NPHP4: variants seen among roughly 807,000 people sequenced by gnomAD.
NPHP4 encodes the protein nephrocystin 4, also known as nephrocystin-4.
In NPHP4, 151 loss-of-function variants were observed where a neutral mutation model predicts 155.8. The ratio of observed to expected loss-of-function variants is 0.97; its 90% confidence interval spans 0.85 to 1.11. The LOEUF (loss-of-function observed/expected upper bound fraction) is 1.11. Ranked by LOEUF, NPHP4 falls within the 50% of genes least tolerant of loss-of-function variation. NPHP4 has a pLI of 0.00. For synonymous variants in NPHP4, 845 were observed against 816.8 expected (o/e 1.03, Z -0.59); for missense variants, 1,956 against 1,925.7 (o/e 1.02, Z -0.29).
chr1:5,951,166 G>C (rs1557816386), intron 7 of NPHP4, among the ~76,000 whole-genome samples: 2 of 152,234 alleles, frequency 1.3e-5, no homozygotes, highest in Admixed American at 6.5e-5. Context: ...GGAAGGTGCA[G>C]CCGGAGGAGA....
chr1:5,936,636 CA>C (rs1277718542), intron 9 of NPHP4, among the ~76,000 whole-genome samples: 1 of 152,172 alleles, frequency 6.6e-6, no homozygotes, highest in African/African-American at 2.4e-5. Flanking sequence ...ACACAAAAGA[CA>C]AATGAGGAAT....
At chr1:5,923,354 G>A (rs1230805723) in intron 11 of NPHP4, among the ~76,000 whole-genome samples, 2 of 152,208 alleles carry the variant, frequency 1.3e-5, no homozygotes, top group South Asian at 2.1e-4. Flanking sequence ...GGCAACAAAG[G>A]AGAGTGATCC....
chr1:5,916,551 CA>C (rs1280848757), intron 11 of NPHP4, among the ~76,000 whole-genome samples: 1 of 152,176 alleles, frequency 6.6e-6, no homozygotes, highest in Admixed American at 6.5e-5. Flanking sequence ...TGCTGGTCCC[CA>C]AACAGTGACT....
At chr1:5,945,422 G>C (rs1647038818) in intron 9 of NPHP4, among the ~76,000 whole-genome samples, 1 of 152,182 alleles carries the variant, frequency 6.6e-6, no homozygotes, top group African/African-American at 2.4e-5. Context: ...AGCAGAACTG[G>C]AACAGTTTCA....
In NPHP4 at chr1:5,969,972, TA is replaced by T. The variant is rs532928296; in HGVS notation, c.280-714del. On this transcript the variant is annotated intron_variant, in intron 3 of 29. Coordinates refer to ENST00000378156, the MANE Select transcript of NPHP4 (RefSeq NM_015102.5). Reference sequence around the variant, plus strand: ...CTCAAGATGTAAGCCAAGTAGATGATATTCAAATTGATCTTAAAAGGTTTTC... The same window carrying T: ...CTCAAGATGTAAGCCAAGTAGATGATTTCAAATTGATCTTAAAAGGTTTTC... Among the ~76,000 whole-genome samples, 4 of 152,282 alleles carry T rather than the reference TA, an allele frequency of 2.6e-5. No individual in the cohort carries two copies. In the East Asian group the frequency reaches 7.7e-4, roughly 29 times the overall value.
chr1:5,961,837 A>T lies in NPHP4; in HGVS notation c.630T>A (p.Gly210=). The T allele has an allele frequency of 6.2e-7, 1 of 1,613,574 alleles. No individual in the cohort carries two copies. Among genetic ancestry groups the T allele is most frequent in the African/African-American group, 1.3e-5 (1 of 75,048 alleles). The stretch of plus-strand genomic sequence containing the variant: ...GAAGCAGGCCAGGTATCTGCTGCAG[A>T]CCAGACACCAGAAGGTTCTCAGGAA... ...HLLPENLLVS[G]LQQIPGLLPA... is the part of the protein sequence containing the mutation. Residue 210 remains glycine, a synonymous_variant, in exon 6 of 30, where the codon GGT becomes GGA. Transcript: ENST00000378156.
rs759609852 is a variant in NPHP4, at chr1:5,874,557, G to A, written c.3145C>T (p.Pro1049Ser). ...DMFHLRGSLAPQLYLRPHETA... is the reference protein window; with the variant it reads ...DMFHLRGSLASQLYLRPHETA... ...TCGTGGGGGCGCAGGTAGAGCTGGG[G>A]GGCCAGGCTGCCACGCAGGTGGAAC... Residue 1049 changes from proline (P) to serine (S), a missense_variant, in exon 22 of 30, where the codon CCC becomes TCC. Transcript: ENST00000378156. The A allele has an allele frequency of 9.3e-5, 150 of 1,605,504 alleles. 3 individuals carry two copies. In the South Asian group the frequency reaches 1.7e-3, roughly 18 times the overall value.
At chr1:5,919,146 A>G (rs1382968915) in intron 11 of NPHP4, among the ~76,000 whole-genome samples, 1 of 152,234 alleles carries the variant, frequency 6.6e-6, no homozygotes, top group Non-Finnish European at 1.5e-5. Context: ...TCTTGCCCAC[A>G]AATCCTAAAA....
Position 5,905,294 on chromosome 1 carries a change from G to C in NPHP4, c.1953C>G (p.Ser651Arg). The change falls in exon 15 of 30, where the codon AGC (serine) becomes AGG (arginine). Residue 651 changes from serine (S) to arginine (R), a missense_variant and splice_region_variant. Coordinates refer to ENST00000378156, the MANE Select transcript of NPHP4 (RefSeq NM_015102.5). This position sits in a 1 kb window ranked among gnomAD's most constrained non-coding sequence, Gnocchi z 4.0. ...TAACAGAATATTCAAGGATTTACCT[G>C]CTAAAGGCAAGAAACTGTAGCACCA... The part of the protein sequence containing the change: ...NEMVLQFLAF[S>R]RVAQDCRGTS... 6.2e-7 allele frequency: 1 copy of C among 1,611,662 alleles called. No homozygotes were observed. The highest frequency in any genetic ancestry group is 8.5e-7 in the Non-Finnish European group (1 of 1,177,738).
At chr1:5,972,509 C>A (rs1054219605) in intron 3 of NPHP4, among the ~76,000 whole-genome samples, 5 of 152,306 alleles carry the variant, frequency 3.3e-5, no homozygotes, top group Middle Eastern at 6.8e-3. Context: ...AAGGATAATA[C>A]AACATCTTAT....
chr1:5,899,002 T>TCAAAGAAA (rs1008963311), intron 16 of NPHP4, among the ~76,000 whole-genome samples: 3 of 152,120 alleles, frequency 2.0e-5, no homozygotes, highest in African/African-American at 7.2e-5. Flanking sequence ...TCAGGATGGT[T>TCAAAGAAA]CAAAGAAACA....
Position 5,865,147 on chromosome 1 carries a change from TGTC to T in NPHP4, c.3768_3770del (p.Thr1257del). ...AGGTGAAAGCTCTCACTTTCCTCAC[TGTC>T]TGTGTCCCCCGAAGGACAAGGGACA... On this transcript the variant is annotated inframe_deletion, in exon 27 of 30. Coordinates refer to ENST00000378156, the MANE Select transcript of NPHP4 (RefSeq NM_015102.5). 1.2e-6 allele frequency: 2 copies of T among 1,613,662 alleles called. No individual in the cohort carries two copies. The highest frequency in any genetic ancestry group is 1.7e-6 in the Non-Finnish European group (2 of 1,179,794).
At chr1:5,864,803 G>A (rs1641032532) in intron 27 of NPHP4, 2 of 536,782 alleles carry the variant, frequency 3.7e-6, no homozygotes, top group Non-Finnish European at 6.6e-6. Flanking sequence ...GTGGCACCAG[G>A]GGCCGCCCTC....
chr1:5,961,999 C>A, intron 5 of NPHP4, 50 bp from the exon 6 acceptor site: 1 of 1,484,524 alleles, frequency 6.7e-7, no homozygotes, highest in African/African-American at 1.4e-5. Flanking sequence ...AGCAAAGGTG[C>A]TTCCAGTCAA....
Position 5,867,464 on chromosome 1 carries a change from G to T in NPHP4, c.3472+276C>A. The T allele has an allele frequency of 1.8e-6, 1 of 563,068 alleles. No individual in the cohort carries two copies. The highest frequency in any genetic ancestry group is 2.2e-5 in the South Asian group (1 of 46,300). 34.9% of individuals were successfully genotyped at this position (563,068 alleles called of 1,614,324 possible). ...CGCGGGCCGTCAGGTGAGGAGGTAG[G>T]TGTTCCTCCAGGCACACCTGGACCT... On this transcript the variant is annotated intron_variant, in intron 24 of 29. Transcript: ENST00000378156. This position sits in a 1 kb window ranked among gnomAD's most constrained non-coding sequence, Gnocchi z 4.1.
At chr1:5,930,962 G>A (rs1352900560) in intron 10 of NPHP4, among the ~76,000 whole-genome samples, 1 of 152,150 alleles carries the variant, frequency 6.6e-6, no homozygotes, top group Non-Finnish European at 1.5e-5. Context: ...TTAGATGCAA[G>A]CAATTTTAGG....
chr1:5,989,341 C>T (rs912695654), intron 1 of NPHP4, among the ~76,000 whole-genome samples: 7 of 152,194 alleles, frequency 4.6e-5, no homozygotes, highest in African/African-American at 1.2e-4. Context: ...CAGCTGTCCA[C>T]GACTTATAAG....
chr1:5,915,882 C>G (rs1358701574), intron 11 of NPHP4, among the ~76,000 whole-genome samples: 2 of 152,152 alleles, frequency 1.3e-5, no homozygotes, highest in Non-Finnish European at 1.5e-5. Flanking sequence ...CTCTCCCCCA[C>G]CACCATGTGA....
chr1:5,943,850 C>T (rs575072070), intron 9 of NPHP4, among the ~76,000 whole-genome samples: 52 of 152,196 alleles, frequency 3.4e-4, no homozygotes, highest in African/African-American at 1.2e-3. Context: ...TTTGGAGAGA[C>T]ATGGTGAGCC....
Sources: gnomAD v4.1 joint callset for allele counts (sites outside exome capture counted in the v4.1 genomes callset) on GRCh38, gnomAD v4.1.1 for gene constraint, Gnocchi (gnomAD v3.1) non-coding constraint, MANE v1.5 for transcripts, NCBI Gene and HGNC (gene_info 2026-07-23, HGNC 2026-07-21) for gene names.